KLF8: variants seen among roughly 807,000 people sequenced by gnomAD.
The protein encoded by KLF8 is KLF transcription factor 8, also known as Krueppel-like factor 8.
In KLF8, 10 loss-of-function variants were observed where a neutral mutation model predicts 18.2. That is an observed-to-expected ratio of 0.55 (90% CI 0.34 to 0.93). The LOEUF is 0.93. Among genes scored for constraint, KLF8 ranks in the 40% least tolerant of loss-of-function variants. The probability of loss-of-function intolerance (pLI) is 0.02; values close to 1 mark genes in which losing one functional copy is unlikely to be tolerated. For synonymous variants in KLF8, 109 were observed against 97.3 expected, an observed-to-expected ratio of 1.12 and a Z score of -0.71; for missense variants, 264 against 277.9, an observed-to-expected ratio of 0.95 and a Z score of 0.36.
chrX:55,946,581 G>A, the KLF8 span, among the ~76,000 whole-genome samples: 2 of 111,607 alleles, frequency 1.8e-5, no homozygotes, highest in Non-Finnish European at 3.8e-5. Flanking sequence ...CATGGGCAAG[G>A]ACTTCATGTT....
chrX:56,210,799 G>C, the KLF8 span, among the ~76,000 whole-genome samples: 6 of 107,531 alleles, frequency 5.6e-5, no homozygotes, highest in Non-Finnish European at 1.1e-4. Context: ...TCTTTCTTCT[G>C]CTTGATGAAT....
chrX:56,229,812 C>T (rs763694359), upstream of KLF8, among the ~76,000 whole-genome samples: 3 of 111,490 alleles, frequency 2.7e-5, no homozygotes, highest in East Asian at 5.7e-4. Flanking sequence ...CTCATTCCAC[C>T]GCCCCCCAAC....
At chrX:56,230,202 T>C (rs1038851049), upstream of KLF8, among the ~76,000 whole-genome samples, 2 of 112,335 alleles carry the variant, frequency 1.8e-5, no homozygotes, top group African/African-American at 6.5e-5. Flanking sequence ...TTTCAAAATG[T>C]TACTTCAGCA....
chrX:55,919,234 G>A, the KLF8 span, among the ~76,000 whole-genome samples: 3 of 111,960 alleles, frequency 2.7e-5, no homozygotes, highest in African/African-American at 6.5e-5. Flanking sequence ...GGAGTTTTCA[G>A]ATTAAGAGGG....
At chrX:56,034,965 C>T in the KLF8 span, among the ~76,000 whole-genome samples, 1 of 108,592 alleles carries the variant, frequency 9.2e-6, no homozygotes, top group Admixed American at 9.8e-5. Flanking sequence ...CCGTGTTAGC[C>T]AGGATGGTCT....
At chrX:56,130,344 C>T in the KLF8 span, among the ~76,000 whole-genome samples, 1 of 111,634 alleles carries the variant, frequency 9.0e-6, no homozygotes, top group African/African-American at 3.3e-5. Context: ...GCAGACAGCC[C>T]CCAGTACCAG....
the KLF8 span, among the ~76,000 whole-genome samples, chrX:55,979,687 G>A: frequency 2.5e-4 from 28 of 111,985 alleles, no homozygotes; most frequent in Non-Finnish European, 5.1e-4. Context: ...GACTGATTAG[G>A]AAAACACTGC....
At chrX:56,058,279 C>CATATATATACAT in the KLF8 span, among the ~76,000 whole-genome samples, 1 of 7,302 alleles carries the variant, frequency 1.4e-4, no homozygotes, top group East Asian at 4.2e-3. Flanking sequence ...CATATATATA[C>CATATATATACAT]ATATATATAT....
At chrX:56,081,319 T>G in the KLF8 span, among the ~76,000 whole-genome samples, 1 of 111,825 alleles carries the variant, frequency 8.9e-6, no homozygotes, top group Non-Finnish European at 1.9e-5. Flanking sequence ...TACAGATGGG[T>G]TTTTGGTGTG....
At chrX:56,094,197 C>A in the KLF8 span, among the ~76,000 whole-genome samples, 38 of 109,831 alleles carry the variant, frequency 3.5e-4, no homozygotes, top group Non-Finnish European at 5.5e-4. Context: ...AAACTAGATC[C>A]AACTATGCTA....
the KLF8 span, among the ~76,000 whole-genome samples, chrX:56,075,314 G>A: frequency 9.0e-6 from 1 of 111,012 alleles, no homozygotes; most frequent in Non-Finnish European, 1.9e-5. Context: ...TGTCAAACTT[G>A]TACTTTGTAA....
intron 1 of KLF8, among the ~76,000 whole-genome samples, chrX:56,240,052 G>A (rs186050976): frequency 8.9e-6 from 1 of 112,257 alleles, no homozygotes; most frequent in African/African-American, 3.2e-5. Context: ...TAGAATGGGC[G>A]GGGATGTGAT....
intron 1 of KLF8, among the ~76,000 whole-genome samples, chrX:56,245,376 A>C (rs1250170698): frequency 5.4e-5 from 6 of 112,021 alleles, no homozygotes; most frequent in Admixed American, 2.8e-4. Context: ...TCACTTTTGT[A>C]AGACAAGCTG....
chrX:56,063,061 C>A, the KLF8 span, among the ~76,000 whole-genome samples: 166 of 111,096 alleles, frequency 1.5e-3, 2 homozygotes, highest in African/African-American at 4.7e-3. Context: ...GTTAGCATTT[C>A]CTCTAACCTT....
At chrX:56,099,994 G>A in the KLF8 span, among the ~76,000 whole-genome samples, 14,147 of 111,408 alleles carry the variant, frequency 0.13, 1,626 homozygotes, top group African/African-American at 0.37. Context: ...GACAAAAGGA[G>A]CCTTATATTT....
At chrX:56,112,042 T>C in the KLF8 span, among the ~76,000 whole-genome samples, 10 of 111,793 alleles carry the variant, frequency 8.9e-5, no homozygotes, top group South Asian at 3.8e-4. Flanking sequence ...CGTATGTTTA[T>C]TGTGGCACTG....
the KLF8 span, among the ~76,000 whole-genome samples, chrX:56,053,437 C>T: frequency 9.1e-6 from 1 of 110,466 alleles, no homozygotes; most frequent in Admixed American, 9.7e-5. Context: ...AAGATATTTA[C>T]ATCAATTTTC....
the KLF8 span, among the ~76,000 whole-genome samples, chrX:56,151,165 C>A: frequency 1.8e-5 from 2 of 111,589 alleles, no homozygotes; most frequent in Non-Finnish European, 3.8e-5. Context: ...GAGGTAGGAC[C>A]AAACAGTGTA....
At chrX:56,133,899 C>G in the KLF8 span, among the ~76,000 whole-genome samples, 1 of 94,398 alleles carries the variant, frequency 1.1e-5, no homozygotes, top group Non-Finnish European at 2.1e-5. Context: ...AAATCAAGAA[C>G]TGAACCCCTT....
Sources: allele counts gnomAD v4.1 joint callset (sites outside exome capture counted in the v4.1 genomes callset), GRCh38; gene constraint gnomAD v4.1.1; transcripts MANE v1.5; gene names NCBI Gene and HGNC (gene_info 2026-07-23, HGNC 2026-07-21).